HS2ST1: variants seen among roughly 807,000 people sequenced by gnomAD.
HS2ST1 encodes heparan sulfate 2-O-sulfotransferase 1, also known as 2-O-sulfotransferase.
HS2ST1 carries 18 observed loss-of-function variants against 42.9 expected under a neutral mutation model. The ratio of observed to expected loss-of-function variants is 0.42; its 90% CI spans 0.29 to 0.62. The LOEUF is 0.62. Ranked by LOEUF, HS2ST1 falls within the 20% of genes least tolerant of loss-of-function variation. The pLI is 0.21. For synonymous variants in HS2ST1, 146 were observed against 152.9 expected (o/e 0.95, Z 0.33); for missense variants, 334 against 433.8 (o/e 0.77, Z 2.04).
intron 1 of HS2ST1, among the ~76,000 whole-genome samples, chr1:87,031,735 GGTT>G (rs543360149): frequency 6.6e-6 from 1 of 152,054 alleles, no homozygotes; most frequent in South Asian, 2.1e-4. Context: ...TATAATATAT[GGTT>G]GTTTAAAATC....
At chr1:86,968,650 C>T (rs745772739) in intron 1 of HS2ST1, among the ~76,000 whole-genome samples, 4 of 152,096 alleles carry the variant, frequency 2.6e-5, no homozygotes, top group Non-Finnish European at 5.9e-5. Context: ...AAGCATTCCT[C>T]CTACCTCCGC....
intron 1 of HS2ST1, among the ~76,000 whole-genome samples, chr1:87,020,293 T>A (rs919529384): frequency 1.3e-5 from 2 of 152,086 alleles, no homozygotes; most frequent in Non-Finnish European, 2.9e-5. Flanking sequence ...AATTCCAAGG[T>A]TTTTAGTTCT....
At chr1:87,041,334 C>T (rs914266337) in intron 1 of HS2ST1, among the ~76,000 whole-genome samples, 24 of 150,572 alleles carry the variant, frequency 1.6e-4, no homozygotes, top group African/African-American at 5.6e-4. Context: ...CTGCAGTGAG[C>T]TCTGATCATG....
intron 1 of HS2ST1, among the ~76,000 whole-genome samples, chr1:87,071,622 A>G (rs1651406870): frequency 6.6e-6 from 1 of 151,584 alleles, no homozygotes; most frequent in Non-Finnish European, 1.5e-5. Context: ...CCAGCTACTC[A>G]GTAGGCTGAG....
At chr1:87,064,208 G>T (rs1304807171) in intron 1 of HS2ST1, among the ~76,000 whole-genome samples, 1 of 152,092 alleles carries the variant, frequency 6.6e-6, no homozygotes, top group East Asian at 1.9e-4. Flanking sequence ...ATAGGTTTTT[G>T]TAGGGATTCT....
At chr1:87,003,325 A>AT (rs952813000) in intron 1 of HS2ST1, among the ~76,000 whole-genome samples, 57 of 152,378 alleles carry the variant, frequency 3.7e-4, no homozygotes, top group African/African-American at 1.3e-3. Context: ...ATTGTTAAAC[A>AT]TTAGTATTCA....
intron 2 of HS2ST1, among the ~76,000 whole-genome samples, chr1:87,078,635 TA>T (rs1052436443): frequency 1.3e-5 from 2 of 152,234 alleles, no homozygotes; most frequent in African/African-American, 4.8e-5. Context: ...CTTCAATTGA[TA>T]CTATTAAGTT....
At chr1:86,995,587 T>A (rs1176179870) in intron 1 of HS2ST1, among the ~76,000 whole-genome samples, 1 of 152,160 alleles carries the variant, frequency 6.6e-6, no homozygotes, top group Non-Finnish European at 1.5e-5. Context: ...CTTTTTTCTA[T>A]GCATAAGAAA....
At chr1:86,995,418 C>T (rs1272435194) in intron 1 of HS2ST1, among the ~76,000 whole-genome samples, 4 of 152,086 alleles carry the variant, frequency 2.6e-5, no homozygotes, top group Non-Finnish European at 5.9e-5. Context: ...CTCTTAAAAA[C>T]ACCAACATTA....
intron 6 of HS2ST1, 143 bp downstream of exon 6, chr1:87,103,732 A>G: frequency 1.6e-6 from 1 of 642,292 alleles, no homozygotes. Context: ...GTTTCTGCTC[A>G]CTATTTTCAA....
chr1:86,930,023 A>G (rs1015501461), intron 1 of HS2ST1, among the ~76,000 whole-genome samples: 2 of 151,846 alleles, frequency 1.3e-5, no homozygotes, highest in African/African-American at 2.4e-5. Context: ...GTTACTTGCC[A>G]TTCTACAATC....
chr1:87,041,314 G>A (rs757049860), intron 1 of HS2ST1, among the ~76,000 whole-genome samples: 8 of 147,728 alleles, frequency 5.4e-5, no homozygotes, highest in South Asian at 2.2e-4. Flanking sequence ...CTTGAGCCAG[G>A]TTTTTGATGC....
At chr1:86,938,632 G>GA (rs1005360876) in intron 1 of HS2ST1, among the ~76,000 whole-genome samples, 1 of 151,978 alleles carries the variant, frequency 6.6e-6, no homozygotes, top group Non-Finnish European at 1.5e-5. Flanking sequence ...TGAGTAAAAA[G>GA]AAAAAATCAA....
intron 1 of HS2ST1, among the ~76,000 whole-genome samples, chr1:86,917,468 A>C (rs149201620): frequency 0.012 from 1,818 of 152,162 alleles, 46 homozygotes; most frequent in African/African-American, 0.042. Context: ...GCAGTAAGCC[A>C]AGATCACACC....
chr1:87,021,734 T>C (rs1649959471), intron 1 of HS2ST1, among the ~76,000 whole-genome samples: 1 of 152,152 alleles, frequency 6.6e-6, no homozygotes, highest in Non-Finnish European at 1.5e-5. Flanking sequence ...TAGTCTGGTC[T>C]CAAACTCCTG....
At chr1:87,029,485 T>G (rs1230590061) in intron 1 of HS2ST1, among the ~76,000 whole-genome samples, 2 of 152,150 alleles carry the variant, frequency 1.3e-5, no homozygotes, top group Non-Finnish European at 2.9e-5. Context: ...TATGGTAAAA[T>G]GTAGTGAAGA....
chr1:87,075,407 TC>T (rs926325009), intron 2 of HS2ST1, among the ~76,000 whole-genome samples: 7 of 152,212 alleles, frequency 4.6e-5, no homozygotes, highest in African/African-American at 1.4e-4. Flanking sequence ...CCTCAGGTGA[TC>T]CGCCCACCTA....
rs551977065 is a variant in HS2ST1 at position 86,957,103 on chromosome 1, A to G, written c.124+41943A>G. ...TTGTGGGCTTCAAGTTGTCAAGTGA[A>G]TTTTTAGGTAATGAACAAGTTTCTA... On this transcript the variant is annotated intron_variant, in intron 1 of 6. Transcript: ENST00000370550. 8.5e-5 allele frequency among the ~76,000 whole-genome samples: 13 copies of G among 152,306 alleles called. No individual in the cohort carries two copies. The South Asian group carries it at 2.7e-3, about 32-fold the overall frequency.
At chr1:86,953,271 G>A (rs933311799) in intron 1 of HS2ST1, among the ~76,000 whole-genome samples, 6 of 152,354 alleles carry the variant, frequency 3.9e-5, no homozygotes, top group Middle Eastern at 6.8e-3. Flanking sequence ...GTTGTGGCCA[G>A]TTTGATCTAT....
Sources: allele counts gnomAD v4.1 joint callset (sites outside exome capture counted in the v4.1 genomes callset), GRCh38; gene constraint gnomAD v4.1.1; transcripts MANE v1.5; gene names NCBI Gene and HGNC (gene_info 2026-07-23, HGNC 2026-07-21).